CADM2: variants seen among roughly 807,000 people sequenced by gnomAD.
The protein encoded by CADM2 is immunoglobulin superfamily member 4D.
A neutral mutation model predicts 49.8 loss-of-function variants in CADM2; 12 were observed. The ratio of observed to expected loss-of-function variants is 0.24; its 90% confidence interval spans 0.15 to 0.39. CADM2 has a LOEUF of 0.39. Ranked by LOEUF, CADM2 falls within the 10% of genes least tolerant of loss-of-function variation. CADM2 has a pLI of 1.00. For synonymous variants in CADM2, 214 were observed against 175.4 expected, an observed-to-expected ratio of 1.22 and a Z score of -1.74; for missense variants, 378 against 492.3, an observed-to-expected ratio of 0.77 and a Z score of 2.20.
intron 8 of CADM2, among the ~76,000 whole-genome samples, chr3:86,023,610 G>C (rs1337225612): frequency 6.6e-6 from 1 of 151,926 alleles, no homozygotes; most frequent in Non-Finnish European, 1.5e-5. Flanking sequence ...TGCCCGCCTC[G>C]GCCTCCCAAA....
chr3:85,361,525 A>C (rs2032361108), intron 1 of CADM2, among the ~76,000 whole-genome samples: 1 of 152,190 alleles, frequency 6.6e-6, no homozygotes, highest in Non-Finnish European at 1.5e-5. Flanking sequence ...TTTTAAGGAT[A>C]ACACTGGAAG....
intron 1 of CADM2, among the ~76,000 whole-genome samples, chr3:85,305,293 A>T (rs1485809952): frequency 6.6e-6 from 1 of 151,654 alleles, no homozygotes; most frequent in Non-Finnish European, 1.5e-5. Flanking sequence ...TTCAAAATTT[A>T]AAATAATTTA....
At chr3:85,940,162 T>TA (rs1721698886) in intron 7 of CADM2, among the ~76,000 whole-genome samples, 9 of 5,474 alleles carry the variant, frequency 1.6e-3, no homozygotes, top group East Asian at 4.8e-3. Flanking sequence ...CTACTAAAAA[T>TA]ACAAAAAAAA....
At chr3:85,671,637 C>G (rs2065739571) in intron 1 of CADM2, among the ~76,000 whole-genome samples, 1 of 152,102 alleles carries the variant, frequency 6.6e-6, no homozygotes, top group Non-Finnish European at 1.5e-5. Flanking sequence ...GTCAGCCACA[C>G]TGGCCTTTTT....
At chr3:85,992,664 A>C (rs1728922969) in intron 8 of CADM2, 1 of 152,192 alleles carries the variant, frequency 6.6e-6, no homozygotes, top group Non-Finnish European at 1.5e-5. Flanking sequence ...GTGCAATAGC[A>C]TCATGTCCAT....
chr3:85,363,458 C>G (rs538073799), intron 1 of CADM2, among the ~76,000 whole-genome samples: 1 of 151,918 alleles, frequency 6.6e-6, no homozygotes, highest in Admixed American at 6.6e-5. Flanking sequence ...CCAAATACCC[C>G]CAAGTAATCC....
intron 1 of CADM2, among the ~76,000 whole-genome samples, chr3:85,618,989 T>G (rs945104901): frequency 1.3e-5 from 2 of 151,270 alleles, no homozygotes; most frequent in African/African-American, 4.9e-5. Flanking sequence ...TGCAGGGAGC[T>G]GAGATCGGCC....
intron 1 of CADM2, among the ~76,000 whole-genome samples, chr3:85,229,926 G>A (rs2042249386): frequency 6.6e-6 from 1 of 152,126 alleles, no homozygotes; most frequent in East Asian, 1.9e-4. Flanking sequence ...ATATCTGTAA[G>A]ATTACCTGTG....
At chr3:85,775,644 G>A (rs1308965341) in intron 2 of CADM2, among the ~76,000 whole-genome samples, 2 of 151,740 alleles carry the variant, frequency 1.3e-5, no homozygotes, top group Admixed American at 6.6e-5. Flanking sequence ...TCCAAATTCA[G>A]CTCTATAAAA....
intron 3 of CADM2, among the ~76,000 whole-genome samples, chr3:85,826,509 C>T (rs17023377): frequency 0.4 from 60,346 of 151,678 alleles, 12,291 homozygotes; most frequent in East Asian, 0.57. Flanking sequence ...ATGCAAATGA[C>T]AGAGATTGTT....
intron 1 of CADM2, among the ~76,000 whole-genome samples, chr3:85,292,493 T>G (rs540546391): frequency 6.6e-6 from 1 of 151,838 alleles, no homozygotes; most frequent in African/African-American, 2.4e-5. Flanking sequence ...TACATTTTTT[T>G]CAGCACCACA....
At chr3:85,596,871 C>A (rs1476126442) in intron 1 of CADM2, among the ~76,000 whole-genome samples, 1 of 152,066 alleles carries the variant, frequency 6.6e-6, no homozygotes, top group East Asian at 1.9e-4. Flanking sequence ...CATGCCCCAC[C>A]ACGCCCAGCT....
intron 1 of CADM2, among the ~76,000 whole-genome samples, chr3:85,168,522 T>C (rs983657343): frequency 1.3e-5 from 2 of 152,232 alleles, no homozygotes; most frequent in Non-Finnish European, 2.9e-5. Context: ...ATTTATATAA[T>C]ATTTCAAGAA....
chr3:85,154,550 C>A (rs573634215), intron 1 of CADM2, among the ~76,000 whole-genome samples: 14 of 152,014 alleles, frequency 9.2e-5, no homozygotes, highest in African/African-American at 2.4e-4. Flanking sequence ...CCCAATCTAG[C>A]AAGGCAGGCC....
chr3:85,005,445 C>T (rs2033671802), intron 1 of CADM2, among the ~76,000 whole-genome samples: 1 of 152,102 alleles, frequency 6.6e-6, no homozygotes, highest in South Asian at 2.1e-4. Flanking sequence ...GACTTTACTA[C>T]ATATGCTGAT....
intron 8 of CADM2, among the ~76,000 whole-genome samples, chr3:86,041,423 G>A (rs1328269778): frequency 1.3e-5 from 2 of 152,102 alleles, no homozygotes. Context: ...AAAGGCAGGG[G>A]TTGCAATCCT....
intron 1 of CADM2, among the ~76,000 whole-genome samples, chr3:85,674,664 A>G (rs979643429): frequency 9.2e-5 from 14 of 152,180 alleles, no homozygotes; most frequent in African/African-American, 2.9e-4. Context: ...GACAGTTATC[A>G]TGGTCTGTGA....
intron 1 of CADM2, among the ~76,000 whole-genome samples, chr3:85,419,696 T>C (rs1429568262): frequency 6.6e-6 from 1 of 152,178 alleles, no homozygotes; most frequent in South Asian, 2.1e-4. Context: ...TTCCTTATTT[T>C]TCATATGTAT....
intron 1 of CADM2, among the ~76,000 whole-genome samples, chr3:85,459,191 T>A (rs2107585186): frequency 6.6e-6 from 1 of 152,290 alleles, no homozygotes; most frequent in South Asian, 2.1e-4. Flanking sequence ...TCTGAGATTC[T>A]CCCCATCTTT....
Sources: gnomAD v4.1 joint callset for allele counts (sites outside exome capture counted in the v4.1 genomes callset) on GRCh38, gnomAD v4.1.1 for gene constraint, MANE v1.5 for transcripts, NCBI Gene and HGNC (gene_info 2026-07-23, HGNC 2026-07-21) for gene names.